PRAMEF6: variants seen among roughly 807,000 people sequenced by gnomAD.
PRAMEF6 encodes PRAME family member 6.
For synonymous variants in PRAMEF6, 8 were observed against 134.4 expected (o/e 0.06, Z 6.51); for missense variants, 29 against 349.2 (o/e 0.08, Z 7.31).
chr1:12,945,980 C>CAAAAAAAAAAAAAAAAAAAAAAAAAA lies in PRAMEF6; in HGVS notation c.-23+1511_-23+1536dup. Reference sequence around the variant, plus strand: ...TCCAGCCTGGGAAATAGGCTAGATTCAAAAAAAAAAAAAAAAAAAAAAAAA... The same window carrying CAAAAAAAAAAAAAAAAAAAAAAAAAA: ...TCCAGCCTGGGAAATAGGCTAGATTCAAAAAAAAAAAAAAAAAAAAAAAAAAAAAAAAAAAAAAAAAAAAAAAAAAA... On this transcript the variant is annotated intron_variant, in intron 1 of 3. Transcript: ENST00000376189. Among the ~76,000 whole-genome samples, 2 of 4,284 alleles carry CAAAAAAAAAAAAAAAAAAAAAAAAAA rather than the reference C, an allele frequency of 4.7e-4. 1 individual carries two copies. Among genetic ancestry groups the CAAAAAAAAAAAAAAAAAAAAAAAAAA allele is most frequent in the Non-Finnish European group, 6.2e-4 (2 of 3,206 alleles). 2.8% of individuals were successfully genotyped at this position (4,284 alleles called of 152,430 possible).
Position 12,939,221 on chromosome 1 carries a change from CG to C in PRAMEF6, c.884del (p.Ser295CysfsTer2). The C allele has an allele frequency of 1.5e-6, 1 of 677,126 alleles. No individual in the cohort carries two copies. The highest frequency in any genetic ancestry group is 2.2e-6 in the Non-Finnish European group (1 of 445,822). 41.9% of individuals were successfully genotyped at this position (677,126 alleles called of 1,614,324 possible). A position where few individuals can be genotyped will look rare whatever the true frequency, so the allele number is the denominator to read the frequency against. On this transcript the variant is annotated frameshift_variant, in exon 4 of 4. Transcript: ENST00000376189. LOFTEE classifies it high-confidence loss of function. ...LDQLLSCLKT[S>X]LKVLTITNCV... ...AGTTAGTTATTGTGAGGACCTTTAACGAGGTCTTCAGACAGCTGGGGAGAGA... is the reference window on the plus strand; with the variant it reads ...AGTTAGTTATTGTGAGGACCTTTAACAGGTCTTCAGACAGCTGGGGAGAGA...
At chr1:12,940,085 T>A (rs2100492366) in intron 3 of PRAMEF6, among the ~76,000 whole-genome samples, 1 of 366 alleles carries the variant, frequency 2.7e-3, no homozygotes, top group East Asian at 0.031. Flanking sequence ...AGAGATGGGA[T>A]CATTCATGTT....
rs1172552628 is a variant in PRAMEF6, at chr1:12,941,602, A to G, written c.288-37T>C. ...TAGAGGTGAGAATGAGAATTTCAGA[A>G]CTCATTTCTGAACTTAAACTCCACA... is the stretch of plus-strand genomic sequence containing the variant. On this transcript the variant is annotated intron_variant, in intron 2 of 3. Transcript: ENST00000376189. 4.4e-6 allele frequency: 4 copies of G among 917,782 alleles called. 1 individual carries two copies. In the African/African-American group the frequency reaches 1.3e-4, roughly 29 times the overall value. 56.9% of individuals were successfully genotyped at this position (917,782 alleles called of 1,614,324 possible).
rs1271298577 is a variant in PRAMEF6, at chr1:12,938,476, C to T, written c.*199G>A. 9.3e-6 allele frequency: 5 copies of T among 537,836 alleles called. 1 individual carries two copies. In the East Asian group the frequency reaches 1.7e-4, roughly 18 times the overall value. 33.3% of individuals were successfully genotyped at this position (537,836 alleles called of 1,614,324 possible). Reference sequence around the variant, plus strand: ...ATTTTCCACTCTACAGGACACAGGTCCCCAAAGTCCCATCGAATCCATGGC... The same window carrying T: ...ATTTTCCACTCTACAGGACACAGGTTCCCAAAGTCCCATCGAATCCATGGC... On this transcript the variant is annotated 3_prime_UTR_variant, in exon 4 of 4. Coordinates refer to ENST00000376189, the MANE Select transcript of PRAMEF6 (RefSeq NM_001010889.2).
intron 2 of PRAMEF6, among the ~76,000 whole-genome samples, chr1:12,941,793 T>G (rs1641723861): frequency 9.0e-6 from 1 of 110,554 alleles, no homozygotes; most frequent in East Asian, 2.2e-4. Context: ...TGATGTCACC[T>G]CACTGCAACC....
chr1:12,939,637 G>A (rs1347749382), intron 3 of PRAMEF6, among the ~76,000 whole-genome samples: 1 of 97,966 alleles, frequency 1.0e-5, no homozygotes, highest in Non-Finnish European at 2.0e-5. Flanking sequence ...AACCCAGGAG[G>A]TGTAGGTTGC....
intron 2 of PRAMEF6, among the ~76,000 whole-genome samples, chr1:12,941,844 A>G (rs200526917): frequency 1.1e-5 from 1 of 93,584 alleles, no homozygotes; most frequent in African/African-American, 6.4e-5. Flanking sequence ...CCTCAACCTC[A>G]CAAGTAGCTG....
intron 1 of PRAMEF6, 113 bp downstream of exon 1, chr1:12,947,403 GA>G (rs1156382162): frequency 7.1e-3 from 915 of 128,720 alleles, no homozygotes; most frequent in Middle Eastern, 0.015. Flanking sequence ...TTGTTCATAT[GA>G]AAAAAAAAAG....
At chr1:12,939,844 A>G (rs1289075506) in intron 3 of PRAMEF6, among the ~76,000 whole-genome samples, 2 of 15,792 alleles carry the variant, frequency 1.3e-4, no homozygotes, top group Non-Finnish European at 2.0e-4. Flanking sequence ...TCCCTGGGCC[A>G]CAGGAGCCCA....
rs1202608597 is a variant in PRAMEF6 at position 12,941,719 on chromosome 1, C to A, written c.288-154G>T. Among the ~76,000 whole-genome samples, 4 of 106,172 alleles carry A rather than the reference C, an allele frequency of 3.8e-5. 1 individual carries two copies. Among genetic ancestry groups the A allele is most frequent in the Admixed American group, 3.6e-4 (4 of 11,240 alleles). 69.7% of individuals were successfully genotyped at this position (106,172 alleles called of 152,430 possible). On this transcript the variant is annotated intron_variant, in intron 2 of 3. Transcript: ENST00000376189. ...TCCCCTTGGATCCTGCCCACTTCCA[C>A]ATTTTTTTGTTTTTCTTTTGAGACC...
In PRAMEF6 at chr1:12,939,343, A is replaced by G. The variant is rs547452898; in HGVS notation, c.870-107T>C. 1.3e-3 allele frequency: 1,142 copies of G among 870,230 alleles called. 15 individuals carry two copies. Among genetic ancestry groups the G allele is most frequent in the Non-Finnish European group, 1.4e-3 (844 of 593,306 alleles). 53.9% of individuals were successfully genotyped at this position (870,230 alleles called of 1,614,324 possible). A position where few individuals can be genotyped will look rare whatever the true frequency, so the allele number is the denominator to read the frequency against. On this transcript the variant is annotated intron_variant, in intron 3 of 3. Transcript: ENST00000376189. ...GATGGAGACCATTTTGCCCAAGTCC[A>G]GGGTCATTCTGATGGCCTGATGGTC...
rs567245707 is a variant in PRAMEF6 at position 12,938,477 on chromosome 1, C to T, written c.*198G>A. 69 of 543,960 alleles carry T rather than the reference C, an allele frequency of 1.3e-4. 18 individuals carry two copies. In the East Asian group the frequency reaches 2.1e-3, roughly 17 times the overall value. The allele number at this position is 543,960 out of a possible 1,614,324, so 33.7% of individuals were successfully genotyped here. A position where few individuals can be genotyped will look rare whatever the true frequency, so the allele number is the denominator to read the frequency against. On this transcript the variant is annotated 3_prime_UTR_variant, in exon 4 of 4. Coordinates refer to ENST00000376189, the MANE Select transcript of PRAMEF6 (RefSeq NM_001010889.2). ...TTTTCCACTCTACAGGACACAGGTC[C>T]CCAAAGTCCCATCGAATCCATGGCA... is the stretch of plus-strand genomic sequence containing the variant.
In PRAMEF6 at chr1:12,941,391, C is replaced by G. The variant is rs554769027; in HGVS notation, c.462G>C (p.Trp154Cys). The G allele has an allele frequency of 1.5e-5, 20 of 1,315,832 alleles. 2 individuals are homozygous for G. The highest frequency in any genetic ancestry group is 2.0e-5 in the Non-Finnish European group (20 of 1,000,302). 81.5% of individuals were successfully genotyped at this position (1,315,832 alleles called of 1,614,324 possible). ...ATTCATCCAGAGTCCTGTTCTTGAGCCAAAGTTCTACGAACACAGTCAAGG... is the reference window on the plus strand; with the variant it reads ...ATTCATCCAGAGTCCTGTTCTTGAGGCAAAGTTCTACGAACACAGTCAAGG... ...QQPLTVFVELWLKNRTLDEYL... is the reference protein window; with the variant it reads ...QQPLTVFVELCLKNRTLDEYL... The change falls in exon 3 of 4, where the codon TGG becomes TGC. Residue 154 changes from tryptophan (W) to cysteine (C), a missense_variant. Coordinates refer to ENST00000376189, the MANE Select transcript of PRAMEF6 (RefSeq NM_001010889.2).
In PRAMEF6 at chr1:12,947,501, G is replaced by A. The variant is rs1249750224; in HGVS notation, c.-23+16C>T. The stretch of plus-strand genomic sequence containing the variant: ...TAGGTCAGATGGGAGTGTCCTTACA[G>A]AAATTAGTGGCTTACCAGATCTGGA... On this transcript the variant is annotated intron_variant, in intron 1 of 3. Transcript: ENST00000376189. The A allele has an allele frequency of 5.4e-5, 8 of 147,098 alleles. No homozygotes were observed. Among genetic ancestry groups the A allele is most frequent in the Non-Finnish European group, 1.1e-4 (7 of 65,888 alleles). The allele number at this position is 147,098 out of a possible 1,614,324, so 9.1% of individuals were successfully genotyped here. A position where few individuals can be genotyped will look rare whatever the true frequency, so the allele number is the denominator to read the frequency against.
rs770113797 is a variant in PRAMEF6 at position 12,941,450 on chromosome 1, C to G, written c.403G>C (p.Val135Leu). 6.8e-7 allele frequency: 1 copy of G among 1,473,838 alleles called. No homozygotes were observed. Among genetic ancestry groups the G allele is most frequent in the South Asian group, 1.2e-5 (1 of 84,844 alleles). The allele number at this position is 1,473,838 out of a possible 1,614,324, so 91.3% of individuals were successfully genotyped here. Residue 135 changes from valine to leucine, a missense_variant, in exon 3 of 4, where the codon GTG (valine) becomes CTG (leucine). By Grantham distance (32) the Val-to-Leu change is conservative. Coordinates refer to ENST00000376189, the MANE Select transcript of PRAMEF6 (RefSeq NM_001010889.2). ...FLNAKRNKTPVQDCPRMRGQQ... is the reference protein window; with the variant it reads ...FLNAKRNKTPLQDCPRMRGQQ... ...CCTCTCATCCTTGGACAGTCCTGCACTGGTGTTTTGTTCCTCTTGGCATTG... is the reference window on the plus strand; with the variant it reads ...CCTCTCATCCTTGGACAGTCCTGCAGTGGTGTTTTGTTCCTCTTGGCATTG...
intron 3 of PRAMEF6, among the ~76,000 whole-genome samples, 171 bp from the exon 4 acceptor site, chr1:12,939,407 G>A (rs1329228725): frequency 9.3e-6 from 1 of 107,290 alleles, no homozygotes; most frequent in Non-Finnish European, 1.8e-5. Context: ...TTTTGCCACC[G>A]AGGTCAATTC....
rs1377081834 is a variant in PRAMEF6, at chr1:12,939,631, C to T, written c.870-395G>A. Among the ~76,000 whole-genome samples, 56 of 96,602 alleles carry T rather than the reference C, an allele frequency of 5.8e-4. 1 individual carries two copies. Among genetic ancestry groups the T allele is most frequent in the African/African-American group, 2.6e-3 (50 of 19,056 alleles). The allele number at this position is 96,602 out of a possible 152,430, so 63.4% of individuals were successfully genotyped here. On this transcript the variant is annotated intron_variant, in intron 3 of 3. Transcript: ENST00000376189. ...CTGAGGCAGAAGAATCGCTTGAACC[C>T]AGGAGGTGTAGGTTGCAGTGAGCAG...
chr1:12,939,619 A>G lies in PRAMEF6; in HGVS notation c.870-383T>C, dbSNP rs1362616297. ...CTACTTGGGAAGCTGAGGCAGAAGAATCGCTTGAACCCAGGAGGTGTAGGT... is the reference window on the plus strand; with the variant it reads ...CTACTTGGGAAGCTGAGGCAGAAGAGTCGCTTGAACCCAGGAGGTGTAGGT... On this transcript the variant is annotated intron_variant, in intron 3 of 3. Coordinates refer to ENST00000376189, the MANE Select transcript of PRAMEF6 (RefSeq NM_001010889.2). Among the ~76,000 whole-genome samples the G allele has an allele frequency of 2.2e-5, 2 of 92,918 alleles. 1 individual carries two copies. The highest frequency in any genetic ancestry group is 4.1e-5 in the Non-Finnish European group (2 of 48,246). The allele number at this position is 92,918 out of a possible 152,430, so 61.0% of individuals were successfully genotyped here.
chr1:12,939,655 A>G (rs1641696357), intron 3 of PRAMEF6, among the ~76,000 whole-genome samples: 1 of 104,098 alleles, frequency 9.6e-6, no homozygotes, highest in Non-Finnish European at 1.9e-5. Context: ...TGCAGTGAGC[A>G]GAGATCATGC....
Sources: gnomAD v4.1 joint callset for allele counts (sites outside exome capture counted in the v4.1 genomes callset) on GRCh38, gnomAD v4.1.1 for gene constraint, MANE v1.5 for transcripts, NCBI Gene and HGNC (gene_info 2026-07-23, HGNC 2026-07-21) for gene names.